The following MYLK variants were observed in gnomAD, a reference collection of about 807,000 sequenced individuals.
MYLK encodes myosin light chain kinase, smooth muscle.
Under a neutral mutation model 203.4 loss-of-function variants are expected in MYLK, and 106 were observed. The observed-to-expected ratio is 0.52, with a 90% CI of 0.45 to 0.61. The LOEUF is 0.61. Ranked by LOEUF, MYLK falls within the 20% of genes least tolerant of loss-of-function variation. The probability of loss-of-function intolerance (pLI) is 0.00; values close to 1 mark genes in which losing one functional copy is unlikely to be tolerated. For missense variants in MYLK, 2,072 were observed against 2,442.3 expected, an observed-to-expected ratio of 0.85 and a Z score of 3.20; for synonymous variants, 867 against 959.5, an observed-to-expected ratio of 0.90 and a Z score of 1.78.
chr3:123,770,612 GA>G (rs2108981578), intron 4 of MYLK, among the ~76,000 whole-genome samples: 1 of 152,362 alleles, frequency 6.6e-6, no homozygotes, highest in Admixed American at 6.5e-5. Context: ...CAAGGTGTGT[GA>G]GGGGGTGATG....
rs187577616 is a variant in MYLK, at chr3:123,801,325, T to G, written c.-3-7481A>C. ...CATTAGCCTATCTCCCTACTCTCTC[T>G]GTTACCATCTACTCTCATTTCTGTC... On this transcript the variant is annotated intron_variant, in intron 3 of 33. Coordinates refer to ENST00000360304, the MANE Select transcript of MYLK (RefSeq NM_053025.4). 9.8e-5 allele frequency among the ~76,000 whole-genome samples: 15 copies of G among 152,372 alleles called. No individual in the cohort carries two copies. The East Asian group carries it at 2.7e-3, about 27-fold the overall frequency.
intron 13 of MYLK, among the ~76,000 whole-genome samples, chr3:123,720,770 C>T (rs534467053): frequency 6.6e-6 from 1 of 152,352 alleles, no homozygotes; most frequent in Non-Finnish European, 1.5e-5. Context: ...GTTTCTCGTG[C>T]TCACTCCCGG....
intron 4 of MYLK, among the ~76,000 whole-genome samples, chr3:123,780,644 G>A (rs2064259853): frequency 6.6e-6 from 1 of 152,132 alleles, no homozygotes; most frequent in African/African-American, 2.4e-5. Context: ...TCTTAAGAGA[G>A]GCAGCTCCTT....
chr3:123,790,914 G>T (rs991005972), intron 4 of MYLK, among the ~76,000 whole-genome samples: 5 of 152,218 alleles, frequency 3.3e-5, no homozygotes, highest in Non-Finnish European at 7.3e-5. Context: ...GCAGAGGCCA[G>T]GAAGAAGATT....
In MYLK at chr3:123,650,523, C is replaced by T. The variant is rs966181067; in HGVS notation, c.4289-1329G>A. Among the ~76,000 whole-genome samples the T allele has an allele frequency of 2.0e-5, 3 of 151,700 alleles. No individual in the cohort carries two copies. In the South Asian group the frequency reaches 6.2e-4, roughly 32 times the overall value. ...TTTAGAGTTCTTAAAATGCTGCTGACAAAGCTTAGTTTTTTTAAAAAAAGA... is the reference window on the plus strand; with the variant it reads ...TTTAGAGTTCTTAAAATGCTGCTGATAAAGCTTAGTTTTTTTAAAAAAAGA... On this transcript the variant is annotated intron_variant, in intron 24 of 33. Transcript: ENST00000360304.
At chr3:123,762,680 A>T (rs1329147316) in intron 4 of MYLK, among the ~76,000 whole-genome samples, 1 of 152,170 alleles carries the variant, frequency 6.6e-6, no homozygotes, top group Non-Finnish European at 1.5e-5. Context: ...AGCCTTCATG[A>T]AGGGGTTAAG....
rs546575089 is a variant in MYLK at position 123,786,173 on chromosome 3, C to T, written c.165+7504G>A. Reference sequence around the variant, plus strand: ...CAAAAATTAGCCGGGTGTGGTGGCACGCGCCTGTAGTCCCAGCTACTCAGG... The same window carrying T: ...CAAAAATTAGCCGGGTGTGGTGGCATGCGCCTGTAGTCCCAGCTACTCAGG... On this transcript the variant is annotated intron_variant, in intron 4 of 33. Coordinates refer to ENST00000360304, the MANE Select transcript of MYLK (RefSeq NM_053025.4). Among the ~76,000 whole-genome samples the T allele has an allele frequency of 4.6e-5, 7 of 151,550 alleles. No homozygotes were observed. The South Asian group carries it at 1.3e-3, about 27-fold the overall frequency.
intron 11 of MYLK, among the ~76,000 whole-genome samples, chr3:123,729,956 G>A (rs1017829365): frequency 6.6e-6 from 1 of 151,970 alleles, no homozygotes; most frequent in African/African-American, 2.4e-5. Flanking sequence ...GCTGAGTGCA[G>A]TGGCTCATGC....
At chr3:123,776,491 A>T (rs2064083149) in intron 4 of MYLK, among the ~76,000 whole-genome samples, 1 of 152,256 alleles carries the variant, frequency 6.6e-6, no homozygotes, top group African/African-American at 2.4e-5. Context: ...GATGTTGATG[A>T]AAATTTAATT....
intron 24 of MYLK, 21 bp from the exon 25 acceptor site, chr3:123,649,215 G>A (rs754858286): frequency 5.0e-6 from 8 of 1,611,974 alleles, no homozygotes; most frequent in South Asian, 1.1e-5. Flanking sequence ...CACAAGGAAG[G>A]ACAGAGAGGA....
chr3:123,874,363 C>T (rs1334032185), intron 2 of MYLK, among the ~76,000 whole-genome samples: 1 of 152,126 alleles, frequency 6.6e-6, no homozygotes, highest in African/African-American at 2.4e-5. Context: ...TGATTTTCAA[C>T]AAAGGTACAA....
chr3:123,746,362 C>T (rs1055213738), intron 5 of MYLK, among the ~76,000 whole-genome samples: 3 of 151,826 alleles, frequency 2.0e-5, no homozygotes, highest in Non-Finnish European at 4.4e-5. Flanking sequence ...CTAACAGCAA[C>T]TGGGAAAAGC....
intron 2 of MYLK, among the ~76,000 whole-genome samples, chr3:123,856,458 C>G (rs1407561331): frequency 6.6e-6 from 1 of 152,228 alleles, no homozygotes; most frequent in Non-Finnish European, 1.5e-5. Context: ...TCAACCCTAA[C>G]ACAGCCAGTT....
intron 19 of MYLK, chr3:123,692,244 G>T (rs2060704652): frequency 1.0e-6 from 1 of 995,436 alleles, no homozygotes; most frequent in Non-Finnish European, 1.2e-6. Context: ...GGCAGAGGCT[G>T]CCCTGTCCTC....
intron 18 of MYLK, among the ~76,000 whole-genome samples, chr3:123,699,581 A>G (rs2061091479): frequency 6.6e-6 from 1 of 152,226 alleles, no homozygotes; most frequent in African/African-American, 2.4e-5. Flanking sequence ...GCTTCTCTAA[A>G]CAGCTCTTTA....
At chr3:123,764,587 G>T (rs905920092) in intron 4 of MYLK, among the ~76,000 whole-genome samples, 3 of 152,164 alleles carry the variant, frequency 2.0e-5, no homozygotes. Flanking sequence ...CTTTCACTCG[G>T]CCCCTCTCCC....
intron 4 of MYLK, among the ~76,000 whole-genome samples, chr3:123,756,366 A>G (rs2063359322): frequency 6.6e-6 from 1 of 152,228 alleles, no homozygotes; most frequent in South Asian, 2.1e-4. Flanking sequence ...GTAATAGGAC[A>G]GGATTGGTGC....
intron 2 of MYLK, among the ~76,000 whole-genome samples, chr3:123,866,201 G>A (rs2032316135): frequency 6.6e-6 from 1 of 152,152 alleles, no homozygotes; most frequent in Non-Finnish European, 1.5e-5. Context: ...GCCACTGTTT[G>A]GGAGAGTTTT....
chr3:123,764,586 G>A (rs1325688665), intron 4 of MYLK, among the ~76,000 whole-genome samples: 3 of 152,118 alleles, frequency 2.0e-5, no homozygotes, highest in East Asian at 3.9e-4. Context: ...ACTTTCACTC[G>A]GCCCCTCTCC....
Sources: gnomAD v4.1 joint callset for allele counts (sites outside exome capture counted in the v4.1 genomes callset) on GRCh38, gnomAD v4.1.1 for gene constraint, MANE v1.5 for transcripts, NCBI Gene and HGNC (gene_info 2026-07-23, HGNC 2026-07-21) for gene names.